The following HGSNAT variants were observed in gnomAD, a reference collection of about 807,000 sequenced individuals.
The protein encoded by HGSNAT is heparan-alpha-glucosaminide N-acetyltransferase, also known as transmembrane protein 76.
A neutral mutation model predicts 85.2 loss-of-function variants in HGSNAT; 59 were observed. The observed-to-expected ratio is 0.69, with a 90% confidence interval of 0.56 to 0.86. HGSNAT has a LOEUF of 0.86. HGSNAT is among the 40% of genes least tolerant of loss of function. The pLI is 0.00. For synonymous variants in HGSNAT, 321 were observed against 304.5 expected, an observed-to-expected ratio of 1.05 and a Z score of -0.56; for missense variants, 756 against 777.1, an observed-to-expected ratio of 0.97 and a Z score of 0.32.
chr8:43,197,918 G>A lies in HGSNAT; in HGVS notation c.1692G>A (p.Lys564=), dbSNP rs1453700530. The part of the protein sequence containing the change: ...LLVLYPVVDV[K]GLWTGTPFFY... ...TCCTGTACCCAGTTGTGGATGTGAA[G>A]GGGCTGTGGACAGGAACCCCATTCT... Residue 564 remains lysine, a synonymous_variant, in exon 17 of 18, where the codon AAG becomes AAA. Transcript: ENST00000379644. 6.2e-7 allele frequency: 1 copy of A among 1,613,928 alleles called. No individual in the cohort carries two copies. Among genetic ancestry groups the A allele is most frequent in the Non-Finnish European group, 8.5e-7 (1 of 1,179,818 alleles).
At chr8:43,188,752 C>T (rs1306305124) in intron 11 of HGSNAT, among the ~76,000 whole-genome samples, 1 of 152,228 alleles carries the variant, frequency 6.6e-6, no homozygotes, top group Non-Finnish European at 1.5e-5. Context: ...TTCAGCTTTT[C>T]TGCTCTGTTT....
At chr8:43,163,367 C>T (rs1307392985) in intron 5 of HGSNAT, among the ~76,000 whole-genome samples, 2 of 152,002 alleles carry the variant, frequency 1.3e-5, no homozygotes. Context: ...TTCCAACATA[C>T]CCAGGGAGGT....
chr8:43,191,647 C>A, intron 12 of HGSNAT, 52 bp downstream of exon 12: 1 of 1,587,754 alleles, frequency 6.3e-7, no homozygotes, highest in African/African-American at 1.3e-5. Context: ...TCTGCCCAGT[C>A]AGAGGTTCTG....
intron 1 of HGSNAT, among the ~76,000 whole-genome samples, chr8:43,143,982 A>T (rs1802634996): frequency 1.3e-5 from 2 of 152,120 alleles, no homozygotes; most frequent in Admixed American, 1.3e-4. Context: ...GAAATTTTGT[A>T]ATGCATATCA....
intron 11 of HGSNAT, 92 bp from the exon 12 acceptor site, chr8:43,191,382 A>G (rs1337782547): frequency 6.7e-7 from 1 of 1,495,064 alleles, no homozygotes; most frequent in African/African-American, 1.4e-5. Context: ...AGGCCAAGAA[A>G]TGAGTCACCG....
At chr8:43,160,018 T>G (rs997366358) in intron 4 of HGSNAT, among the ~76,000 whole-genome samples, 1 of 152,150 alleles carries the variant, frequency 6.6e-6, no homozygotes, top group East Asian at 1.9e-4. Flanking sequence ...TTAAGAAGAA[T>G]AATATATGTA....
intron 2 of HGSNAT, 28 bp from the exon 3 acceptor site, chr8:43,158,547 G>A (rs771486646): frequency 1.1e-5 from 17 of 1,613,226 alleles, no homozygotes; most frequent in South Asian, 7.7e-5. Flanking sequence ...AACCTCTGGC[G>A]GTTGACCTGT....
chr8:43,173,674 C>T lies in HGSNAT; in HGVS notation c.821-39C>T, dbSNP rs1379632390. ...ACTAGATTTAGGAGGTATTTGTATT[C>T]TAGAGTCCTTTTGCTTATGCTTTGT... is the stretch of plus-strand genomic sequence containing the variant. On this transcript the variant is annotated intron_variant, in intron 8 of 17. Coordinates refer to ENST00000379644, the MANE Select transcript of HGSNAT (RefSeq NM_152419.3). 3.1e-6 allele frequency: 5 copies of T among 1,607,528 alleles called. No individual in the cohort carries two copies. The South Asian group carries it at 4.4e-5, about 14-fold the overall frequency.
intron 11 of HGSNAT, 140 bp from the exon 12 acceptor site, chr8:43,191,334 C>A: frequency 1.1e-6 from 1 of 932,778 alleles, no homozygotes; most frequent in Non-Finnish European, 1.6e-6. Context: ...ATCTGGAGAA[C>A]CTAACGTAGT....
chr8:43,140,882 C>T (rs970308089), intron 1 of HGSNAT, among the ~76,000 whole-genome samples: 2 of 152,176 alleles, frequency 1.3e-5, no homozygotes, highest in African/African-American at 4.8e-5. Context: ...CGGCGCCCAC[C>T]CCAGCGGAGC....
chr8:43,160,687 C>T (rs541754015), intron 4 of HGSNAT, among the ~76,000 whole-genome samples: 192 of 152,278 alleles, frequency 1.3e-3, no homozygotes, highest in African/African-American at 4.5e-3. Context: ...TAACATTGAA[C>T]ATAATATTGA....
At chr8:43,173,778 G>C (rs374884321) in intron 9 of HGSNAT, 35 bp downstream of exon 9, 2 of 1,601,680 alleles carry the variant, frequency 1.2e-6, no homozygotes, top group Non-Finnish European at 1.7e-6. Context: ...TCTTCCACGG[G>C]TTGACTCCAA....
chr8:43,170,203 C>T (rs115333659), intron 6 of HGSNAT, among the ~76,000 whole-genome samples: 1,636 of 152,250 alleles, frequency 0.011, 34 homozygotes, highest in African/African-American at 0.036. Flanking sequence ...AAATTGATGC[C>T]GGTTGCGGTG....
intron 2 of HGSNAT, among the ~76,000 whole-genome samples, chr8:43,149,379 T>C (rs1348354427): frequency 6.6e-6 from 1 of 152,090 alleles, no homozygotes; most frequent in African/African-American, 2.4e-5. Flanking sequence ...ACATAAACTT[T>C]TAAATTTTGA....
intron 10 of HGSNAT, among the ~76,000 whole-genome samples, 165 bp downstream of exon 10, chr8:43,178,399 T>C (rs1336277665): frequency 6.6e-6 from 1 of 152,080 alleles, no homozygotes; most frequent in African/African-American, 2.4e-5. Context: ...ATTATTATTA[T>C]TTTTGAATTT....
At chr8:43,170,129 T>C (rs1803567280) in intron 6 of HGSNAT, among the ~76,000 whole-genome samples, 1 of 152,162 alleles carries the variant, frequency 6.6e-6, no homozygotes, top group African/African-American at 2.4e-5. Flanking sequence ...AGAAAAACTA[T>C]TTTTTAGCTT....
rs746605684 is a variant in HGSNAT at position 43,197,886 on chromosome 8, C to T, written c.1660C>T (p.Leu554=). Residue 554 remains leucine (L), a synonymous_variant, in exon 17 of 18, where the codon CTG becomes TTG. Transcript: ENST00000379644. ...TTLSSFAFFI[L]LVLYPVVDVK... ...GCTCAGTTCTTTTGCCTTCTTCATC[C>T]TGCTGGTCCTGTACCCAGTTGTGGA... The T allele has an allele frequency of 1.9e-6, 3 of 1,613,864 alleles. No homozygotes were observed. In the African/African-American group the frequency reaches 4.0e-5, roughly 22 times the overall value.
Position 43,150,751 on chromosome 8 carries a change from G to A in HGSNAT, c.234+3688G>A, listed in dbSNP as rs181047594. On this transcript the variant is annotated intron_variant, in intron 2 of 17. Coordinates refer to ENST00000379644, the MANE Select transcript of HGSNAT (RefSeq NM_152419.3). ...CGGGAGGCTGAGGCAGGAGAATGGC[G>A]TGAACCCGGGAGGCGGAGCTTGCAA... Among the ~76,000 whole-genome samples, 17 of 152,028 alleles carry A rather than the reference G, an allele frequency of 1.1e-4. 1 individual carries two copies. In the East Asian group the frequency reaches 2.3e-3, roughly 21 times the overall value.
chr8:43,140,530 C>T lies in HGSNAT; in HGVS notation c.34C>T (p.Leu12=). 1 of 1,122,622 alleles carries T rather than the reference C, an allele frequency of 8.9e-7. No homozygotes were observed. Among genetic ancestry groups the T allele is most frequent in the Non-Finnish European group, 1.1e-6 (1 of 920,896 alleles). The allele number at this position is 1,122,622 out of a possible 1,614,324, so 69.5% of individuals were successfully genotyped here. Residue 12 remains leucine, a synonymous_variant, in exon 1 of 18, where the codon CTG becomes TTG. Coordinates refer to ENST00000379644, the MANE Select transcript of HGSNAT (RefSeq NM_152419.3). ...GGCGGGCAGGGCGCTGGCCGCGCTG[C>T]TGCTGGCCGCGTCCGTGCTGAGCGC... is the stretch of plus-strand genomic sequence containing the variant. ...SGAGRALAAL[L]LAASVLSAAL...
Sources: allele counts gnomAD v4.1 joint callset (sites outside exome capture counted in the v4.1 genomes callset), GRCh38; gene constraint gnomAD v4.1.1; transcripts MANE v1.5; gene names NCBI Gene and HGNC (gene_info 2026-07-23, HGNC 2026-07-21).